The following SYNPR variants were observed in gnomAD, a reference collection of about 807,000 sequenced individuals.
SYNPR encodes the protein synaptoporin.
Under a neutral mutation model 32.9 loss-of-function variants are expected in SYNPR, and 23 were observed. That is an observed-to-expected ratio of 0.70 (90% confidence interval 0.50 to 0.99). The LOEUF (loss-of-function observed/expected upper bound fraction) is 0.99, where lower values mean the gene tolerates loss of function less well. Among genes scored for constraint, SYNPR ranks in the 50% least tolerant of loss-of-function variants. SYNPR has a pLI of 0.00. For synonymous variants in SYNPR, 146 were observed against 135.9 expected, an observed-to-expected ratio of 1.07 and a Z score of -0.52; for missense variants, 318 against 349.3, an observed-to-expected ratio of 0.91 and a Z score of 0.71.
chr3:63,477,140 G>A (rs1700943215), intron 2 of SYNPR, among the ~76,000 whole-genome samples: 1 of 152,090 alleles, frequency 6.6e-6, no homozygotes, highest in Non-Finnish European at 1.5e-5. Flanking sequence ...TAACTGGGAG[G>A]GGAATCAGTG....
intron 2 of SYNPR, chr3:63,445,678 C>T (rs987278748): frequency 2.2e-5 from 12 of 544,928 alleles, no homozygotes; most frequent in Non-Finnish European, 3.3e-5. Flanking sequence ...ATTACCTCTC[C>T]ATTTTACAGA....
At chr3:63,478,147 A>G (rs2106691988) in intron 2 of SYNPR, among the ~76,000 whole-genome samples, 1 of 152,344 alleles carries the variant, frequency 6.6e-6, no homozygotes, top group South Asian at 2.1e-4. Context: ...ATGTGGTTTC[A>G]ATAGTCATGA....
At chr3:63,231,701 A>C (rs1365089975) in intron 1 of SYNPR, among the ~76,000 whole-genome samples, 2 of 152,192 alleles carry the variant, frequency 1.3e-5, no homozygotes, top group Admixed American at 6.5e-5. Context: ...CATTTTTTTA[A>C]ATTTTAGCAG....
intron 4 of SYNPR, among the ~76,000 whole-genome samples, chr3:63,605,604 A>T (rs995956403): frequency 1.3e-5 from 2 of 152,254 alleles, no homozygotes; most frequent in African/African-American, 2.4e-5. Context: ...ACAAGATACA[A>T]GCAAGTAAAT....
At chr3:63,211,110 C>T in the SYNPR span, among the ~76,000 whole-genome samples, 10 of 152,186 alleles carry the variant, frequency 6.6e-5, no homozygotes, top group African/African-American at 1.9e-4. Context: ...ACTTTGTCAC[C>T]CAGCCTGGAG....
chr3:63,577,796 C>A (rs1703011446), intron 4 of SYNPR, among the ~76,000 whole-genome samples: 1 of 152,080 alleles, frequency 6.6e-6, no homozygotes. Context: ...TACGTGTTTC[C>A]AAGGCATGAT....
At chr3:63,537,800 T>G (rs1012326390) in intron 3 of SYNPR, among the ~76,000 whole-genome samples, 3 of 152,132 alleles carry the variant, frequency 2.0e-5, no homozygotes, top group Non-Finnish European at 4.4e-5. Flanking sequence ...TGTGAGCTTT[T>G]AAGTCAGTCC....
chr3:63,257,741 G>A (rs1050685296), intron 2 of SYNPR, among the ~76,000 whole-genome samples: 56 of 152,208 alleles, frequency 3.7e-4, no homozygotes, highest in Admixed American at 3.1e-3. Flanking sequence ...ATGTAAATGG[G>A]CTAAATGCTC....
rs1376409824 is a variant in SYNPR, at chr3:63,442,249, AGC to A, written c.85-38581_85-38580del. 4.9e-5 allele frequency among the ~76,000 whole-genome samples: 6 copies of A among 121,612 alleles called. No homozygotes were observed. The East Asian group carries it at 1.5e-3, about 30-fold the overall frequency. 79.8% of individuals were successfully genotyped at this position (121,612 alleles called of 152,430 possible). ...ACAAAGAGACAGAGATAGGAAGGAAAGCGAGAGAGAGAGAGACAGAGAGAGGG... is the reference window on the plus strand; with the variant it reads ...ACAAAGAGACAGAGATAGGAAGGAAAGAGAGAGAGAGAGACAGAGAGAGGG... On this transcript the variant is annotated intron_variant, in intron 2 of 5. Transcript: ENST00000478300.
intron 2 of SYNPR, among the ~76,000 whole-genome samples, chr3:63,377,619 A>G (rs1166747080): frequency 1.4e-5 from 2 of 146,236 alleles, no homozygotes; most frequent in Non-Finnish European, 1.5e-5. Context: ...CAAGTGAGAT[A>G]CATCTTAGTT....
intron 2 of SYNPR, among the ~76,000 whole-genome samples, chr3:63,416,300 G>T (rs756893328): frequency 9.2e-5 from 14 of 152,186 alleles, no homozygotes; most frequent in Non-Finnish European, 1.6e-4. Context: ...GGAGGCCAAG[G>T]AGGGTGGATC....
chr3:63,318,892 T>TC (rs762932191), intron 2 of SYNPR, among the ~76,000 whole-genome samples: 2 of 152,048 alleles, frequency 1.3e-5, no homozygotes, highest in Non-Finnish European at 2.9e-5. Flanking sequence ...GTAGGCTCTG[T>TC]CAGAGGGAAG....
chr3:63,560,141 A>T (rs1393433209), intron 4 of SYNPR, among the ~76,000 whole-genome samples: 2 of 152,238 alleles, frequency 1.3e-5, no homozygotes, highest in African/African-American at 4.8e-5. Context: ...GGAGGAAGGA[A>T]CAGAGAGAGA....
chr3:63,438,087 C>G (rs909921847), intron 2 of SYNPR, among the ~76,000 whole-genome samples: 1 of 152,192 alleles, frequency 6.6e-6, no homozygotes, highest in African/African-American at 2.4e-5. Flanking sequence ...CCGCTCTGTG[C>G]TGGGCACTTT....
rs116564949 is a variant in SYNPR, at chr3:63,581,467, C to T, written c.408+24726C>T. ...ATTCAAAAACATGCATTTATCAAAACGTAAAGCAAACAAACAAACACACGC... is the reference window on the plus strand; with the variant it reads ...ATTCAAAAACATGCATTTATCAAAATGTAAAGCAAACAAACAAACACACGC... On this transcript the variant is annotated intron_variant, in intron 4 of 5. Coordinates refer to ENST00000478300, the MANE Select transcript of SYNPR (RefSeq NM_001130003.2). Among the ~76,000 whole-genome samples the T allele has an allele frequency of 7.2e-3, 687 of 95,510 alleles. 8 individuals are homozygous for T. Among genetic ancestry groups the T allele is most frequent in the African/African-American group, 0.02 (621 of 30,528 alleles). The allele number at this position is 95,510 out of a possible 152,430, so 62.7% of individuals were successfully genotyped here.
chr3:63,379,942 G>GT (rs2087944762), intron 2 of SYNPR, among the ~76,000 whole-genome samples: 2 of 152,094 alleles, frequency 1.3e-5, no homozygotes, highest in Non-Finnish European at 2.9e-5. Context: ...GCGGTGTTTG[G>GT]TTTTTTGTCC....
intron 2 of SYNPR, among the ~76,000 whole-genome samples, chr3:63,281,410 G>T (rs1433230871): frequency 6.6e-6 from 1 of 152,076 alleles, no homozygotes; most frequent in African/African-American, 2.4e-5. Flanking sequence ...TCTTAGTTTT[G>T]GGGGTTGCTA....
At chr3:63,271,380 T>A (rs1019530409) in intron 3 of SYNPR, among the ~76,000 whole-genome samples, 2 of 152,146 alleles carry the variant, frequency 1.3e-5, no homozygotes, top group Admixed American at 1.3e-4. Flanking sequence ...CTTAAAGGTT[T>A]AGGTTAGGAA....
At chr3:63,586,770 T>C (rs1184743965) in intron 4 of SYNPR, among the ~76,000 whole-genome samples, 1 of 151,400 alleles carries the variant, frequency 6.6e-6, no homozygotes, top group Non-Finnish European at 1.5e-5. Flanking sequence ...ACACAGGTGA[T>C]TAAGATAGTC....
Sources: allele counts gnomAD v4.1 joint callset (sites outside exome capture counted in the v4.1 genomes callset), GRCh38; gene constraint gnomAD v4.1.1; transcripts MANE v1.5; gene names NCBI Gene and HGNC (gene_info 2026-07-23, HGNC 2026-07-21).